CDYL: variants seen among roughly 807,000 people sequenced by gnomAD.
The protein encoded by CDYL is chromodomain Y like.
Under a neutral mutation model 47.3 loss-of-function variants are expected in CDYL, and 8 were observed. The ratio of observed to expected loss-of-function variants is 0.17; its 90% CI spans 0.10 to 0.31. The LOEUF is 0.31. Among genes scored for constraint, CDYL ranks in the 10% least tolerant of loss-of-function variants. CDYL has a pLI of 1.00. For missense variants in CDYL, 471 were observed against 701.4 expected (o/e 0.67, Z 3.71); for synonymous variants, 266 against 265.0 (o/e 1.00, Z -0.04).
At chr6:4,945,219 A>G (rs1383334944) in intron 5 of CDYL, among the ~76,000 whole-genome samples, 1 of 152,218 alleles carries the variant, frequency 6.6e-6, no homozygotes, top group Non-Finnish European at 1.5e-5. Context: ...GGCTTTGGTC[A>G]TCTTAAGATG....
intron 1 of CDYL, 43 bp downstream of exon 1, chr6:4,776,850 G>A: frequency 1.5e-6 from 1 of 681,364 alleles, no homozygotes; most frequent in Non-Finnish European, 1.8e-6. Flanking sequence ...CCCGCCCGCC[G>A]CCCCTCCCGG....
chr6:4,829,842 G>T (rs1164138915), intron 1 of CDYL, among the ~76,000 whole-genome samples: 1 of 152,198 alleles, frequency 6.6e-6, no homozygotes, highest in African/African-American at 2.4e-5. Context: ...CTAGAACCAG[G>T]AACCAGGGAC....
At chr6:4,878,901 T>C (rs1761687608) in intron 1 of CDYL, among the ~76,000 whole-genome samples, 1 of 152,168 alleles carries the variant, frequency 6.6e-6, no homozygotes, top group African/African-American at 2.4e-5. Flanking sequence ...CTGTGAACAT[T>C]GCTTTAGCTG....
At chr6:4,893,949 G>C (rs1321481594) in intron 2 of CDYL, among the ~76,000 whole-genome samples, 1 of 152,204 alleles carries the variant, frequency 6.6e-6, no homozygotes, top group Non-Finnish European at 1.5e-5. Context: ...CCTTTGACAG[G>C]AAATTGCCAT....
intron 2 of CDYL, among the ~76,000 whole-genome samples, chr6:4,901,561 T>A (rs1251543785): frequency 1.3e-5 from 2 of 152,152 alleles, no homozygotes; most frequent in Non-Finnish European, 2.9e-5. Flanking sequence ...AAGAGGCCGC[T>A]TGTGAAAGAG....
chr6:4,783,455 C>G (rs1028102354), intron 1 of CDYL, among the ~76,000 whole-genome samples: 6 of 144,980 alleles, frequency 4.1e-5, no homozygotes, highest in African/African-American at 1.6e-4. Flanking sequence ...TCACTCTTGT[C>G]GCCCAGGCTG....
At chr6:4,900,779 GTATATATATATATATA>G (rs59594195) in intron 2 of CDYL, among the ~76,000 whole-genome samples, 2,582 of 51,732 alleles carry the variant, frequency 0.05, 617 homozygotes, top group African/African-American at 0.067. Context: ...GTATACGTGT[GTATATATATATATATA>G]TATATATATA....
chr6:4,918,907 C>T (rs996428369), intron 2 of CDYL, among the ~76,000 whole-genome samples: 1 of 152,144 alleles, frequency 6.6e-6, no homozygotes, highest in Non-Finnish European at 1.5e-5. Context: ...CAGAGGAGCT[C>T]AGCACAACTC....
chr6:4,720,178 T>C (rs1294064767), intron 2 of CDYL, among the ~76,000 whole-genome samples: 1 of 152,200 alleles, frequency 6.6e-6, no homozygotes, highest in Admixed American at 6.5e-5. Flanking sequence ...GAAAAAAACT[T>C]GTAAACATTG....
intron 3 of CDYL, among the ~76,000 whole-genome samples, chr6:4,756,896 C>T (rs942323657): frequency 5.9e-5 from 9 of 152,030 alleles, no homozygotes; most frequent in African/African-American, 2.2e-4. Context: ...CACCTTATAG[C>T]TTATTGTGAT....
chr6:4,789,940 C>T (rs1758873381), intron 1 of CDYL, among the ~76,000 whole-genome samples: 1 of 152,268 alleles, frequency 6.6e-6, no homozygotes, highest in Non-Finnish European at 1.5e-5. Flanking sequence ...GAAAGCTGCC[C>T]TTTATGCCTT....
At chr6:4,815,764 T>C (rs980788316) in intron 1 of CDYL, among the ~76,000 whole-genome samples, 18 of 150,414 alleles carry the variant, frequency 1.2e-4, no homozygotes, top group African/African-American at 4.4e-4. Context: ...GCACTTTCCA[T>C]ATTATATTCA....
chr6:4,723,199 C>T (rs967847721), intron 2 of CDYL, among the ~76,000 whole-genome samples: 8 of 152,088 alleles, frequency 5.3e-5, no homozygotes, highest in African/African-American at 9.7e-5. Flanking sequence ...ATAGCATTTA[C>T]ATGGCAGTAG....
intron 3 of CDYL, among the ~76,000 whole-genome samples, chr6:4,757,959 T>C (rs948166252): frequency 6.6e-6 from 1 of 152,220 alleles, no homozygotes; most frequent in Non-Finnish European, 1.5e-5. Context: ...AAACTATACA[T>C]CTGTAAAAAT....
chr6:4,713,412 G>A (rs931879347), intron 1 of CDYL, among the ~76,000 whole-genome samples: 1 of 152,082 alleles, frequency 6.6e-6, no homozygotes, highest in African/African-American at 2.4e-5. Flanking sequence ...AGAGAAGGCC[G>A]CTCTGCTCTT....
At chr6:4,715,669 T>C (rs962874646) in intron 1 of CDYL, 3 of 1,420,488 alleles carry the variant, frequency 2.1e-6, no homozygotes, top group African/African-American at 1.4e-5. Context: ...GTGAAAGTCA[T>C]TAAATGCCAT....
intron 2 of CDYL, among the ~76,000 whole-genome samples, chr6:4,905,847 A>G (rs1157457339): frequency 6.6e-6 from 1 of 152,148 alleles, no homozygotes; most frequent in Admixed American, 6.5e-5. Flanking sequence ...TGTAACATGC[A>G]TAGATTGCAT....
intron 1 of CDYL, among the ~76,000 whole-genome samples, chr6:4,836,674 G>C (rs775975602): frequency 8.5e-5 from 13 of 152,186 alleles, no homozygotes; most frequent in Non-Finnish European, 1.5e-4. Flanking sequence ...GGAAAAATGT[G>C]CAAAGGAAAA....
intron 1 of CDYL, among the ~76,000 whole-genome samples, chr6:4,813,251 T>C (rs1262962543): frequency 6.6e-6 from 1 of 152,224 alleles, no homozygotes; most frequent in Non-Finnish European, 1.5e-5. Context: ...TAGAGAACAC[T>C]GCCGTCGTCA....
Sources: gnomAD v4.1 joint callset for allele counts (sites outside exome capture counted in the v4.1 genomes callset) on GRCh38, gnomAD v4.1.1 for gene constraint, MANE v1.5 for transcripts, NCBI Gene and HGNC (gene_info 2026-07-23, HGNC 2026-07-21) for gene names.